The following MGST1 variants were observed in gnomAD, a reference collection of about 807,000 sequenced individuals.
MGST1 encodes the protein microsomal glutathione S-transferase 1.
Under a neutral mutation model 8.9 loss-of-function variants are expected in MGST1, and 5 were observed. The observed-to-expected ratio is 0.56, with a 90% confidence interval of 0.29 to 1.19. The LOEUF is 1.19. Ranked by LOEUF, MGST1 falls within the 50% of genes most tolerant of loss-of-function variation. The pLI, the probability that MGST1 is intolerant of heterozygous loss-of-function variation, is 0.08. For missense variants in MGST1, 182 were observed against 187.4 expected, an observed-to-expected ratio of 0.97 and a Z score of 0.17; for synonymous variants, 54 against 67.8, an observed-to-expected ratio of 0.80 and a Z score of 1.00.
chr12:16,411,324 T>C (rs1434005147), intron 1 of MGST1, among the ~76,000 whole-genome samples: 1 of 152,072 alleles, frequency 6.6e-6, no homozygotes, highest in Admixed American at 6.6e-5. Flanking sequence ...ACTAAATAGG[T>C]AAAGGAACGC....
In MGST1 at chr12:16,582,274, A is replaced by G. The variant is rs1456082608; in HGVS notation, n.483-7254A>G. 6.6e-6 allele frequency among the ~76,000 whole-genome samples: 1 copy of G among 152,236 alleles called. No individual in the cohort carries two copies. The highest frequency in any genetic ancestry group is 1.5e-5 in the Non-Finnish European group (1 of 68,042). On this transcript the variant is annotated intron_variant and non_coding_transcript_variant, in intron 4 of 4. Coordinates refer to the MGST1 transcript ENST00000538857. The surrounding 1 kb of genome is among the most constrained non-coding windows in gnomAD (Gnocchi z 4.1). ...TTCCTCCAGTTTGATAATACAATGAATTAGATTGAGATATGTCCTGGTGTT... is the reference window on the plus strand; with the variant it reads ...TTCCTCCAGTTTGATAATACAATGAGTTAGATTGAGATATGTCCTGGTGTT...
Position 16,454,902 on chromosome 12 carries a change from A to AAAAAAAAAAAAAAAAAAAAAAG in MGST1, n.482+71300_482+71301insAAAAAAAAAAAAAAAAAAAGAA, listed in dbSNP as rs1555104768. On this transcript the variant is annotated intron_variant and non_coding_transcript_variant, in intron 4 of 4. Coordinates refer to the MGST1 transcript ENST00000538857. ...AAAAAAAAAAAAAAAAAAAAAAAAA[A>AAAAAAAAAAAAAAAAAAAAAAG]AAGGAGATGGGAAGATTTGAGGAGA... 7.9e-5 allele frequency among the ~76,000 whole-genome samples: 10 copies of AAAAAAAAAAAAAAAAAAAAAAG among 125,994 alleles called. 1 individual carries two copies. The highest frequency in any genetic ancestry group is 2.9e-4 in the African/African-American group (9 of 30,898). 82.7% of individuals were successfully genotyped at this position (125,994 alleles called of 152,430 possible). A position where few individuals can be genotyped will look rare whatever the true frequency, so the allele number is the denominator to read the frequency against.
At chr12:16,549,431 A>G (rs914366284) in intron 4 of MGST1, 2 of 152,552 alleles carry the variant, frequency 1.3e-5, no homozygotes, top group Non-Finnish European at 2.9e-5. Flanking sequence ...ATAAGAGGCA[A>G]TATCCAGATT....
At chr12:16,448,687 A>G (rs772536302) in intron 4 of MGST1, among the ~76,000 whole-genome samples, 15 of 151,934 alleles carry the variant, frequency 9.9e-5, no homozygotes, top group Non-Finnish European at 2.1e-4. Flanking sequence ...GGCTGACTCT[A>G]TTCTTATTTA....
intron 1 of MGST1, among the ~76,000 whole-genome samples, chr12:16,433,344 C>G (rs1940955830): frequency 1.3e-5 from 2 of 152,030 alleles, no homozygotes; most frequent in South Asian, 4.1e-4. Flanking sequence ...CCCTCACAGA[C>G]ACACCCAGGA....
At chr12:16,416,987 GC>G (rs1426779549) in intron 1 of MGST1, among the ~76,000 whole-genome samples, 2 of 152,078 alleles carry the variant, frequency 1.3e-5, no homozygotes, top group African/African-American at 4.8e-5. Flanking sequence ...AAGTTATTTA[GC>G]CTTCAATTCC....
intron 4 of MGST1, among the ~76,000 whole-genome samples, chr12:16,572,314 T>C (rs1311484684): frequency 6.6e-6 from 1 of 151,126 alleles, no homozygotes; most frequent in African/African-American, 2.4e-5. Flanking sequence ...ACATTCTCTA[T>C]GTTTTCTGCA....
intron 4 of MGST1, among the ~76,000 whole-genome samples, chr12:16,468,766 C>A (rs1432845114): frequency 6.6e-6 from 1 of 152,164 alleles, no homozygotes; most frequent in African/African-American, 2.4e-5. Flanking sequence ...ATTTATTCAC[C>A]CCTTCCTATA....
chr12:16,450,845 T>A (rs1242771147), intron 4 of MGST1, among the ~76,000 whole-genome samples: 1 of 76,352 alleles, frequency 1.3e-5, no homozygotes, highest in South Asian at 3.9e-4. Context: ...ATTCCGTGTG[T>A]GTGTGTGTGT....
chr12:16,420,838 T>A (rs1165166983), intron 1 of MGST1, among the ~76,000 whole-genome samples: 1 of 152,168 alleles, frequency 6.6e-6, no homozygotes, highest in Admixed American at 6.5e-5. Context: ...TGCCTCAGCA[T>A]CCATTATAGT....
At chr12:16,378,800 G>A (rs1304406041), downstream of MGST1, among the ~76,000 whole-genome samples, 1 of 151,764 alleles carries the variant, frequency 6.6e-6, no homozygotes. Flanking sequence ...TCTTCCATTT[G>A]TTTGTCTCCT....
At chr12:16,528,742 C>T (rs2137197909) in intron 4 of MGST1, among the ~76,000 whole-genome samples, 1 of 152,038 alleles carries the variant, frequency 6.6e-6, no homozygotes, top group Non-Finnish European at 1.5e-5. Flanking sequence ...CATCACTTAG[C>T]CTGGGAAGAC....
rs1252029125 is a variant in MGST1, at chr12:16,482,509, T to G, written n.482+98905T>G. On this transcript the variant is annotated intron_variant and non_coding_transcript_variant, in intron 4 of 4. Transcript: ENST00000538857. This position sits in a 1 kb window ranked among gnomAD's most constrained non-coding sequence, Gnocchi z 4.2. ...AGCCAGGCGCAGTGGCAGGCGCCTG[T>G]AATCCTAGCTACTCGGGAGGCCGAG... 6.6e-6 allele frequency among the ~76,000 whole-genome samples: 1 copy of G among 151,916 alleles called. No homozygotes were observed. The highest frequency in any genetic ancestry group is 1.5e-5 in the Non-Finnish European group (1 of 67,990).
intron 4 of MGST1, among the ~76,000 whole-genome samples, chr12:16,552,849 A>G (rs1942042151): frequency 6.6e-6 from 1 of 152,044 alleles, no homozygotes; most frequent in Admixed American, 6.6e-5. Context: ...GCACTTCAAT[A>G]ATGGTGTTTG....
chr12:16,389,543 C>T lies in MGST1; in HGVS notation n.778+5939C>T, dbSNP rs541321249. On this transcript the variant is annotated intron_variant and non_coding_transcript_variant, in intron 1 of 1. Coordinates refer to the MGST1 transcript ENST00000359720. The surrounding 1 kb of genome is among the most constrained non-coding windows in gnomAD (Gnocchi z 4.6). ...ATTTAAAATATTGGGTTTTCCCTGCCCTTCTTAGGATAGCCAGTAGAAAAA... is the reference window on the plus strand; with the variant it reads ...ATTTAAAATATTGGGTTTTCCCTGCTCTTCTTAGGATAGCCAGTAGAAAAA... 6.6e-6 allele frequency among the ~76,000 whole-genome samples: 1 copy of T among 152,068 alleles called. No individual in the cohort carries two copies. Among genetic ancestry groups the T allele is most frequent in the Admixed American group, 6.6e-5 (1 of 15,266 alleles).
chr12:16,556,322 C>T (rs897310713), intron 4 of MGST1, among the ~76,000 whole-genome samples: 3 of 152,024 alleles, frequency 2.0e-5, no homozygotes, highest in Non-Finnish European at 2.9e-5. Context: ...CTTAAATAAC[C>T]CTCCTGCGGT....
chr12:16,418,505 C>T (rs1237157992), intron 1 of MGST1, among the ~76,000 whole-genome samples: 4 of 152,162 alleles, frequency 2.6e-5, no homozygotes, highest in African/African-American at 7.2e-5. Flanking sequence ...AAAAAATTCA[C>T]GTTTCAACAA....
chr12:16,386,306 A>G (rs1591714010), intron 1 of MGST1, among the ~76,000 whole-genome samples: 1 of 152,196 alleles, frequency 6.6e-6, no homozygotes, highest in East Asian at 1.9e-4. Context: ...TGCTGGATAG[A>G]AGGAAAGTGC....
At chr12:16,553,153 C>T (rs1317988202) in intron 4 of MGST1, among the ~76,000 whole-genome samples, 1 of 152,072 alleles carries the variant, frequency 6.6e-6, no homozygotes, top group Non-Finnish European at 1.5e-5. Context: ...TTCCCTACAT[C>T]CAACCTAGAA....
Sources: gnomAD v4.1 joint callset for allele counts (sites outside exome capture counted in the v4.1 genomes callset) on GRCh38, gnomAD v4.1.1 for gene constraint, Gnocchi (gnomAD v3.1) non-coding constraint, MANE v1.5 for transcripts, NCBI Gene and HGNC (gene_info 2026-07-23, HGNC 2026-07-21) for gene names.